Variants in EEA1 observed in about 807,000 individuals in gnomAD.
The protein encoded by EEA1 is early endosome antigen 1.
A neutral mutation model predicts 209.2 loss-of-function variants in EEA1; 111 were observed. The observed-to-expected ratio is 0.53, with a 90% CI of 0.45 to 0.62. EEA1 has a LOEUF of 0.62. Among genes scored for constraint, EEA1 ranks in the 20% least tolerant of loss-of-function variants. EEA1 has a pLI of 0.00. For missense variants in EEA1, 1,343 were observed against 1,530.8 expected (o/e 0.88, Z 2.05); for synonymous variants, 536 against 540.6 (o/e 0.99, Z 0.12).
chr12:92,820,254 C>A (rs1875981499), intron 13 of EEA1, among the ~76,000 whole-genome samples: 1 of 152,054 alleles, frequency 6.6e-6, no homozygotes, highest in Non-Finnish European at 1.5e-5. Flanking sequence ...ACTTCAATAC[C>A]CCAAAAGAAC....
chr12:92,815,423 T>C (rs1040662945), intron 15 of EEA1, among the ~76,000 whole-genome samples: 5 of 152,224 alleles, frequency 3.3e-5, no homozygotes, highest in African/African-American at 1.2e-4. Flanking sequence ...ATCTATCATA[T>C]AACTCATCTA....
At chr12:92,837,398 A>G (rs541863742) in intron 10 of EEA1, among the ~76,000 whole-genome samples, 5 of 152,150 alleles carry the variant, frequency 3.3e-5, no homozygotes, top group Non-Finnish European at 7.4e-5. Flanking sequence ...CAGTGGTAAT[A>G]CAAGCGATAT....
chr12:92,889,613 T>C (rs1447871723), intron 2 of EEA1, among the ~76,000 whole-genome samples: 1 of 149,648 alleles, frequency 6.7e-6, no homozygotes, highest in Admixed American at 6.6e-5. Flanking sequence ...AAAAGAAAGA[T>C]AAAGTCCGGG....
At chr12:92,928,929 C>G in intron 1 of EEA1, 114 bp downstream of exon 1, 1 of 1,143,094 alleles carries the variant, frequency 8.7e-7, no homozygotes, top group Non-Finnish European at 1.2e-6. Context: ...GCCTGCCGGG[C>G]TGTGGGGCCT....
intron 10 of EEA1, among the ~76,000 whole-genome samples, chr12:92,837,126 A>T (rs1373957349): frequency 4.9e-4 from 1 of 2,022 alleles, no homozygotes; most frequent in Non-Finnish European, 3.1e-3. Context: ...GTCTCATTTA[A>T]AAAAAAAAAA....
chr12:92,888,313 G>A (rs1173298457), intron 2 of EEA1, among the ~76,000 whole-genome samples: 1 of 152,162 alleles, frequency 6.6e-6, no homozygotes, highest in East Asian at 1.9e-4. Flanking sequence ...GGGCGCAGTG[G>A]CTTACGCCTG....
chr12:92,828,603 G>A (rs953278481), intron 11 of EEA1, among the ~76,000 whole-genome samples: 1 of 143,526 alleles, frequency 7.0e-6, no homozygotes, highest in Non-Finnish European at 1.5e-5. Context: ...ATATATATAT[G>A]TGTACATATA....
At chr12:92,915,981 T>A (rs1258114563) in intron 1 of EEA1, among the ~76,000 whole-genome samples, 5 of 152,230 alleles carry the variant, frequency 3.3e-5, no homozygotes, top group African/African-American at 1.2e-4. Context: ...CTATCAGAAC[T>A]CATTATAGAT....
In EEA1 at chr12:92,795,238, T is replaced by C. The variant is rs866972438; in HGVS notation, c.2967+3654A>G. Among the ~76,000 whole-genome samples, 6 of 152,352 alleles carry C rather than the reference T, an allele frequency of 3.9e-5. No individual in the cohort carries two copies. In the South Asian group the frequency reaches 1.0e-3, roughly 26 times the overall value. ...TTACCTTCTCCCTCAGAACCAAATT[T>C]AACCATATTGGTCATCTGTTTTTAG... On this transcript the variant is annotated intron_variant, in intron 21 of 28. Coordinates refer to ENST00000322349, the MANE Select transcript of EEA1 (RefSeq NM_003566.4).
Position 92,929,067 on chromosome 12 carries a change from G to C in EEA1, c.-1C>G, listed in dbSNP as rs1413145356. The C allele has an allele frequency of 1.3e-6, 2 of 1,593,614 alleles. No homozygotes were observed. Among genetic ancestry groups the C allele is most frequent in the Middle Eastern group, 3.3e-4 (2 of 6,004 alleles). On this transcript the variant is annotated 5_prime_UTR_variant, in exon 1 of 29. Coordinates refer to ENST00000322349, the MANE Select transcript of EEA1 (RefSeq NM_003566.4). ...CCCTCTGTAAAATCCTCCTTAACAT[G>C]GTTTAACCACCACCCGGCGCCGCCG...
chr12:92,836,632 C>T (rs1876941997), intron 10 of EEA1, among the ~76,000 whole-genome samples: 1 of 152,118 alleles, frequency 6.6e-6, no homozygotes, highest in Non-Finnish European at 1.5e-5. Flanking sequence ...TGTTCTATGC[C>T]TTTTGTACAC....
intron 2 of EEA1, among the ~76,000 whole-genome samples, chr12:92,886,998 C>A (rs890467387): frequency 1.2e-4 from 18 of 149,896 alleles, no homozygotes; most frequent in Non-Finnish European, 2.5e-4. Flanking sequence ...GACTCCATCT[C>A]AACAAACAAA....
At chr12:92,817,971 T>C (rs567815838) in intron 14 of EEA1, among the ~76,000 whole-genome samples, 1 of 152,310 alleles carries the variant, frequency 6.6e-6, no homozygotes, top group African/African-American at 2.4e-5. Context: ...AACCTGAACA[T>C]CTTCCAGCCC....
At chr12:92,902,936 CTT>C (rs35352937) in intron 1 of EEA1, among the ~76,000 whole-genome samples, 43 of 136,552 alleles carry the variant, frequency 3.1e-4, no homozygotes, top group Non-Finnish European at 2.4e-4. Context: ...GTTCAACAGT[CTT>C]TTTTTTTTTT....
chr12:92,844,357 A>T (rs2136703322), intron 9 of EEA1, among the ~76,000 whole-genome samples: 1 of 152,284 alleles, frequency 6.6e-6, no homozygotes, highest in African/African-American at 2.4e-5. Context: ...ATTCACTTAA[A>T]AGTACAAATT....
intron 28 of EEA1, 34 bp from the exon 29 acceptor site, chr12:92,776,167 T>C: frequency 6.3e-7 from 1 of 1,576,548 alleles, no homozygotes; most frequent in African/African-American, 1.4e-5. Context: ...ATTTCAAGAA[T>C]AAAAACTATA....
intron 1 of EEA1, among the ~76,000 whole-genome samples, chr12:92,908,110 G>C (rs1195186334): frequency 6.6e-6 from 1 of 152,136 alleles, no homozygotes; most frequent in Admixed American, 6.6e-5. Flanking sequence ...TAAACAAAAG[G>C]TAGTATATAC....
At chr12:92,839,353 T>C (rs946849393) in intron 10 of EEA1, among the ~76,000 whole-genome samples, 1 of 152,180 alleles carries the variant, frequency 6.6e-6, no homozygotes, top group African/African-American at 2.4e-5. Flanking sequence ...AGATTCCACA[T>C]TGTCACTAAC....
chr12:92,783,905 C>T (rs2136652066), intron 22 of EEA1, among the ~76,000 whole-genome samples: 1 of 150,494 alleles, frequency 6.6e-6, no homozygotes, highest in South Asian at 2.1e-4. Flanking sequence ...TTGTATACAG[C>T]AAGTACTCAG....
Sources: gnomAD v4.1 joint callset for allele counts (sites outside exome capture counted in the v4.1 genomes callset) on GRCh38, gnomAD v4.1.1 for gene constraint, MANE v1.5 for transcripts, NCBI Gene and HGNC (gene_info 2026-07-23, HGNC 2026-07-21) for gene names.